Variants in DLGAP2 observed in about 807,000 individuals in gnomAD.
DLGAP2 encodes disks large-associated protein 2.
Under a neutral mutation model 100.3 loss-of-function variants are expected in DLGAP2, and 26 were observed. The ratio of observed to expected loss-of-function variants is 0.26; its 90% CI spans 0.19 to 0.36. The LOEUF (loss-of-function observed/expected upper bound fraction) is 0.36, where lower values mean the gene tolerates loss of function less well. Among genes scored for constraint, DLGAP2 ranks in the 10% least tolerant of loss-of-function variants. The pLI is 1.00. For synonymous variants in DLGAP2, 886 were observed against 630.1 expected, an observed-to-expected ratio of 1.41 and a Z score of -6.08; for missense variants, 1,858 against 1,453.2, an observed-to-expected ratio of 1.28 and a Z score of -4.53.
chr8:917,452 G>T (rs1798618636), intron 2 of DLGAP2, among the ~76,000 whole-genome samples: 2 of 152,130 alleles, frequency 1.3e-5, no homozygotes, highest in South Asian at 4.1e-4. Context: ...TCCCCAGGCT[G>T]CTCTCGAACT....
chr8:980,575 A>C (rs1408944713), intron 2 of DLGAP2, among the ~76,000 whole-genome samples: 1 of 152,166 alleles, frequency 6.6e-6, no homozygotes, highest in African/African-American at 2.4e-5. Context: ...AAGGTTGTGA[A>C]ACACGTGCTG....
intron 2 of DLGAP2, among the ~76,000 whole-genome samples, chr8:1,069,402 G>C (rs1803360234): frequency 6.6e-6 from 1 of 152,186 alleles, no homozygotes; most frequent in Admixed American, 6.5e-5. Context: ...CCATGCCCTG[G>C]GTCCTCCGCA....
intron 2 of DLGAP2, among the ~76,000 whole-genome samples, chr8:943,556 G>A (rs1799244429): frequency 2.6e-5 from 4 of 151,960 alleles, no homozygotes; most frequent in Admixed American, 2.6e-4. Context: ...TGGACGTCGT[G>A]ATGTGGCCAT....
chr8:1,701,081 G>T (rs1228044097), intron 14 of DLGAP2, 107 bp from the exon 15 acceptor site: 2 of 1,025,300 alleles, frequency 2.0e-6, no homozygotes, highest in Non-Finnish European at 2.8e-6. Flanking sequence ...GCGGCCCTGG[G>T]GGCTGCGGTC....
intron 2 of DLGAP2, among the ~76,000 whole-genome samples, chr8:1,242,525 A>G (rs992393658): frequency 1.3e-4 from 20 of 152,160 alleles, no homozygotes; most frequent in African/African-American, 4.6e-4. Flanking sequence ...TTCCTCTTCA[A>G]TCCTGCTGAG....
intron 3 of DLGAP2, among the ~76,000 whole-genome samples, chr8:1,320,233 G>A (rs1167257789): frequency 6.6e-6 from 1 of 152,036 alleles, no homozygotes; most frequent in Non-Finnish European, 1.5e-5. Context: ...ATGATTTGCA[G>A]GGGAAAGTTA....
chr8:964,079 C>T (rs183452736), intron 2 of DLGAP2, among the ~76,000 whole-genome samples: 11 of 152,288 alleles, frequency 7.2e-5, no homozygotes, highest in Admixed American at 5.9e-4. Context: ...ATGCTTCCCA[C>T]GAGAAAACAA....
chr8:1,332,846 G>C (rs1373913398), intron 3 of DLGAP2, among the ~76,000 whole-genome samples: 2 of 152,284 alleles, frequency 1.3e-5, no homozygotes, highest in South Asian at 4.1e-4. Context: ...GAAAATACGT[G>C]GGCTTCTTGC....
chr8:1,350,044 A>C (rs760181), intron 3 of DLGAP2, among the ~76,000 whole-genome samples: 56,596 of 152,140 alleles, frequency 0.37, 10,975 homozygotes, highest in East Asian at 0.5. Flanking sequence ...TGATGACTTT[A>C]ATATAGAAAC....
intron 2 of DLGAP2, among the ~76,000 whole-genome samples, chr8:1,181,283 G>C (rs1171968991): frequency 1.3e-5 from 2 of 152,232 alleles, no homozygotes; most frequent in African/African-American, 4.8e-5. Flanking sequence ...CGTGTGCAAG[G>C]GCAGTACACT....
At chr8:890,915 G>C (rs1473606246) in intron 1 of DLGAP2, among the ~76,000 whole-genome samples, 1 of 152,126 alleles carries the variant, frequency 6.6e-6, no homozygotes, top group Admixed American at 6.5e-5. Context: ...CTCGCTGTGT[G>C]ACCTTCCCGC....
intron 3 of DLGAP2, among the ~76,000 whole-genome samples, chr8:1,269,505 A>T (rs1240802034): frequency 6.6e-6 from 1 of 152,172 alleles, no homozygotes; most frequent in African/African-American, 2.4e-5. Flanking sequence ...TGTTTATGTG[A>T]CTGGGAGAAG....
intron 2 of DLGAP2, among the ~76,000 whole-genome samples, chr8:1,046,919 G>C (rs1284769836): frequency 2.6e-5 from 4 of 151,486 alleles, no homozygotes; most frequent in Admixed American, 6.6e-5. Context: ...GGTTTGAAAG[G>C]ACTGAAATGC....
chr8:1,496,157 C>T (rs1329159984), intron 3 of DLGAP2, among the ~76,000 whole-genome samples: 1 of 152,168 alleles, frequency 6.6e-6, no homozygotes, highest in Non-Finnish European at 1.5e-5. Flanking sequence ...ACTCACCTGC[C>T]CACAATCATT....
intron 1 of DLGAP2, among the ~76,000 whole-genome samples, chr8:878,463 C>T (rs955026871): frequency 1.3e-5 from 2 of 152,080 alleles, no homozygotes; most frequent in Non-Finnish European, 2.9e-5. Flanking sequence ...GTTGTGGGGA[C>T]TGCAGAGCTA....
chr8:1,181,392 A>G (rs562324429), intron 2 of DLGAP2, among the ~76,000 whole-genome samples: 1 of 152,214 alleles, frequency 6.6e-6, no homozygotes, highest in Non-Finnish European at 1.5e-5. Flanking sequence ...TAGATTGCTA[A>G]GGATAATGGC....
intron 2 of DLGAP2, among the ~76,000 whole-genome samples, chr8:1,157,085 A>T (rs532789686): frequency 1.3e-5 from 2 of 152,186 alleles, no homozygotes; most frequent in African/African-American, 4.8e-5. Flanking sequence ...TCAGTTAATT[A>T]CAGAAGTTTT....
chr8:1,113,003 C>T (rs544617940), intron 2 of DLGAP2, among the ~76,000 whole-genome samples: 17 of 152,298 alleles, frequency 1.1e-4, no homozygotes, highest in African/African-American at 4.1e-4. Flanking sequence ...TGTCTAAGAT[C>T]AGATGGTTGC....
chr8:1,429,997 C>CATAT (rs1361890198), intron 3 of DLGAP2, among the ~76,000 whole-genome samples: 366 of 19,588 alleles, frequency 0.019, 27 homozygotes, highest in African/African-American at 0.03. Context: ...GGGAGAGATG[C>CATAT]ATATATATAC....
Sources: allele counts gnomAD v4.1 joint callset (sites outside exome capture counted in the v4.1 genomes callset), GRCh38; gene constraint gnomAD v4.1.1; transcripts MANE v1.5; gene names NCBI Gene and HGNC (gene_info 2026-07-23, HGNC 2026-07-21).